The following ZFP1 variants were observed in gnomAD, a reference collection of about 807,000 sequenced individuals.
The protein encoded by ZFP1 is zinc finger protein 1 homolog.
Under a neutral mutation model 38.5 loss-of-function variants are expected in ZFP1, and 32 were observed. The observed-to-expected ratio is 0.83, with a 90% CI of 0.63 to 1.12. The LOEUF (loss-of-function observed/expected upper bound fraction) is 1.12, where lower values mean the gene tolerates loss of function less well. Among genes scored for constraint, ZFP1 ranks in the 50% most tolerant of loss-of-function variants. The pLI is 0.00. For missense variants in ZFP1, 616 were observed against 480.8 expected (o/e 1.28, Z -2.63); for synonymous variants, 245 against 168.8 (o/e 1.45, Z -3.50).
rs573397890 is a variant in ZFP1 at position 75,156,271 on chromosome 16, T to C, written c.15+3305T>C. On this transcript the variant is annotated intron_variant, in intron 2 of 3. Coordinates refer to ENST00000570010, the MANE Select transcript of ZFP1 (RefSeq NM_153688.4). ...GAGATCGAGACCAGCCTGGCCAACA[T>C]GGCGAAACCCTGTCTTTACTAAAAA... 3.3e-5 allele frequency among the ~76,000 whole-genome samples: 5 copies of C among 152,262 alleles called. No individual in the cohort carries two copies. In the East Asian group the frequency reaches 9.7e-4, roughly 29 times the overall value.
chr16:75,164,631 C>G (rs971185341), intron 2 of ZFP1, among the ~76,000 whole-genome samples: 2 of 152,048 alleles, frequency 1.3e-5, no homozygotes, highest in African/African-American at 4.8e-5. Context: ...CATTCTAGAT[C>G]GGGGGTGTCA....
the ZFP1 span, among the ~76,000 whole-genome samples, chr16:75,131,748 G>T: frequency 2.6e-5 from 4 of 152,160 alleles, no homozygotes; most frequent in South Asian, 8.3e-4. Context: ...TGGGTCACCT[G>T]AGGTCAGGAG....
the ZFP1 span, among the ~76,000 whole-genome samples, chr16:75,125,199 C>T: frequency 1.3e-5 from 2 of 152,164 alleles, 1 homozygote; most frequent in African/African-American, 4.8e-5. Context: ...GCAGTGGTTA[C>T]AGTGAGCTGA....
rs563937757 is a variant in ZFP1 at position 75,154,979 on chromosome 16, A to C, written c.15+2013A>C. ...TAGCCCAGCTAATTTTTGTATTTTT[A>C]GTAGAGATGGGGTTTCACCATGTTG... is the stretch of plus-strand genomic sequence containing the variant. On this transcript the variant is annotated intron_variant, in intron 2 of 3. Coordinates refer to ENST00000570010, the MANE Select transcript of ZFP1 (RefSeq NM_153688.4). Among the ~76,000 whole-genome samples the C allele has an allele frequency of 1.4e-4, 22 of 151,952 alleles. No homozygotes were observed. In the South Asian group the frequency reaches 4.6e-3, roughly 32 times the overall value.
At chr16:75,144,578 C>G (rs140463791), upstream of ZFP1, among the ~76,000 whole-genome samples, 3 of 152,252 alleles carry the variant, frequency 2.0e-5, no homozygotes, top group East Asian at 5.8e-4. Flanking sequence ...ATAATAAGAT[C>G]TTCAGAAAAA....
At chr16:75,142,189 C>G in the ZFP1 span, among the ~76,000 whole-genome samples, 1 of 148,406 alleles carries the variant, frequency 6.7e-6, no homozygotes, top group Non-Finnish European at 1.5e-5. Flanking sequence ...AACCCCGTCT[C>G]CACTAAAAAT....
chr16:75,127,152 G>A, the ZFP1 span, among the ~76,000 whole-genome samples: 5 of 152,132 alleles, frequency 3.3e-5, no homozygotes, highest in African/African-American at 9.7e-5. Flanking sequence ...ACGGATAATC[G>A]TCTTGTTTTG....
the ZFP1 span, among the ~76,000 whole-genome samples, chr16:75,124,890 T>C: frequency 1.4e-5 from 2 of 139,584 alleles, no homozygotes; most frequent in Admixed American, 1.5e-4. Flanking sequence ...GTAAGAAAGC[T>C]TAAAGAGAAA....
Position 75,169,421 on chromosome 16 carries a change from A to G in ZFP1, c.311A>G (p.Tyr104Cys). 6.2e-7 allele frequency: 1 copy of G among 1,613,730 alleles called. No individual in the cohort carries two copies. Among genetic ancestry groups the G allele is most frequent in the South Asian group, 1.1e-5 (1 of 90,994 alleles). ...TDFVSLRQVPYKYDLYEKTLK... is the reference protein window; with the variant it reads ...TDFVSLRQVPCKYDLYEKTLK... Reference sequence around the variant, plus strand: ...TTTGTTTCTTTAAGACAAGTACCTTATAAATATGACTTATATGAAAAAACT... The same window carrying G: ...TTTGTTTCTTTAAGACAAGTACCTTGTAAATATGACTTATATGAAAAAACT... The change falls in exon 4 of 4, where the codon TAT becomes TGT. Residue 104 changes from tyrosine (Y) to cysteine (C), a missense_variant. Physicochemically the swap from Tyr to Cys is radical, Grantham distance 194 (BLOSUM62 -2). Coordinates refer to ENST00000570010, the MANE Select transcript of ZFP1 (RefSeq NM_153688.4).
At chr16:75,149,112 C>T (rs945491283) in intron 1 of ZFP1, 1 of 152,058 alleles carries the variant, frequency 6.6e-6, no homozygotes, top group Non-Finnish European at 1.5e-5. Context: ...GAACCGTGAT[C>T]CCTTTGTCAG....
At chr16:75,132,542 A>AT in the ZFP1 span, 1 of 152,106 alleles carries the variant, frequency 6.6e-6, no homozygotes, top group Admixed American at 6.6e-5. Flanking sequence ...TTCTGCTCTG[A>AT]TGGAACCATG....
At chr16:75,135,233 AC>A in the ZFP1 span, among the ~76,000 whole-genome samples, 3 of 13,330 alleles carry the variant, frequency 2.3e-4, no homozygotes, top group Admixed American at 7.7e-4. Flanking sequence ...AAAAAAAAAA[AC>A]CACTGGAAAC....
chr16:75,121,843 T>G, the ZFP1 span, among the ~76,000 whole-genome samples: 1 of 152,158 alleles, frequency 6.6e-6, no homozygotes, highest in Non-Finnish European at 1.5e-5. Flanking sequence ...TAAGCTAGCC[T>G]TAAAATTACT....
rs977605698 is a variant in ZFP1, at chr16:75,170,360, A to C, written c.*26A>C. On this transcript the variant is annotated 3_prime_UTR_variant, in exon 4 of 4. Coordinates refer to ENST00000570010, the MANE Select transcript of ZFP1 (RefSeq NM_153688.4). ...AACTCCAGCCAGGTCTTACTGTGGA[A>C]AACTCCTGCCAGAACTCTTCAAGCG... 3 of 1,541,082 alleles carry C rather than the reference A, an allele frequency of 1.9e-6. No individual in the cohort carries two copies. The highest frequency in any genetic ancestry group is 2.6e-6 in the Non-Finnish European group (3 of 1,144,960).
At chr16:75,156,032 G>A (rs112433151) in intron 2 of ZFP1, among the ~76,000 whole-genome samples, 1 of 152,122 alleles carries the variant, frequency 6.6e-6, no homozygotes, top group Non-Finnish European at 1.5e-5. Flanking sequence ...ACTAGCTAGT[G>A]TTAGCTAAGA....
At position 75,161,768 on chromosome 16, in the gene ZFP1, AT is replaced by A; in HGVS notation, c.16-5001del. Among the ~76,000 whole-genome samples the A allele has an allele frequency of 3.5e-4, 3 of 8,646 alleles. 1 individual carries two copies. In the Admixed American group the frequency reaches 5.2e-3, roughly 15 times the overall value. The allele number at this position is 8,646 out of a possible 152,430, so 5.7% of individuals were successfully genotyped here. On this transcript the variant is annotated intron_variant, in intron 2 of 3. Transcript: ENST00000570010. ...TAGTAGTTTTATGAAATATATATAT[AT>A]ATATATTTTTTTTTTTTTTTTTTTT... is the stretch of plus-strand genomic sequence containing the variant.
At chr16:75,141,195 C>CTT in the ZFP1 span, among the ~76,000 whole-genome samples, 408 of 67,936 alleles carry the variant, frequency 6.0e-3, 2 homozygotes, top group Non-Finnish European at 7.6e-3. Context: ...TTGGGTCATT[C>CTT]TTTTTTTTTT....
the ZFP1 span, among the ~76,000 whole-genome samples, chr16:75,142,292 G>A: frequency 1.4e-4 from 21 of 151,396 alleles, no homozygotes; most frequent in East Asian, 5.8e-4. Context: ...ATTTTAACCC[G>A]GAAGGTGGAA....
chr16:75,168,012 G>A (rs1277294764), intron 3 of ZFP1, among the ~76,000 whole-genome samples: 1 of 152,012 alleles, frequency 6.6e-6, no homozygotes, highest in Non-Finnish European at 1.5e-5. Context: ...AGTGAGCTGA[G>A]ATCACACCAT....
Sources: gnomAD v4.1 joint callset for allele counts (sites outside exome capture counted in the v4.1 genomes callset) on GRCh38, gnomAD v4.1.1 for gene constraint, MANE v1.5 for transcripts, NCBI Gene and HGNC (gene_info 2026-07-23, HGNC 2026-07-21) for gene names.